Variants in THSD7A observed in about 807,000 individuals in gnomAD.
THSD7A encodes thrombospondin type 1 domain containing 7A, also known as thrombospondin type-1 domain-containing protein 7A.
Under a neutral mutation model 231.3 loss-of-function variants are expected in THSD7A, and 96 were observed. The ratio of observed to expected loss-of-function variants is 0.41; its 90% confidence interval spans 0.35 to 0.49. The LOEUF is 0.49. Ranked by LOEUF, THSD7A falls within the 20% of genes least tolerant of loss-of-function variation. The pLI is 0.05. For missense variants in THSD7A, 2,290 were observed against 2,070.2 expected, an observed-to-expected ratio of 1.11 and a Z score of -2.06; for synonymous variants, 940 against 743.3, an observed-to-expected ratio of 1.26 and a Z score of -4.30.
At position 11,373,451 on chromosome 7, in the gene THSD7A, CAA is replaced by C. The variant is rs994211872; in HGVS notation, c.*2341_*2342del. ...ATTGACAATCACAGTTTTAAAGTAA[CAA>C]TATTATTTTTTCTTCCTCTTTAATA... is the stretch of plus-strand genomic sequence containing the variant. On this transcript the variant is annotated 3_prime_UTR_variant, in exon 28 of 28. Coordinates refer to ENST00000423059, the MANE Select transcript of THSD7A (RefSeq NM_015204.3). 1 of 151,894 alleles carries C rather than the reference CAA, an allele frequency of 6.6e-6. No homozygotes were observed. The highest frequency in any genetic ancestry group is 1.5e-5 in the Non-Finnish European group (1 of 67,926). 9.4% of individuals were successfully genotyped at this position (151,894 alleles called of 1,614,324 possible). A position where few individuals can be genotyped will look rare whatever the true frequency, so the allele number is the denominator to read the frequency against.
At chr7:11,810,620 G>C (rs1784505292) in intron 1 of THSD7A, among the ~76,000 whole-genome samples, 4 of 152,144 alleles carry the variant, frequency 2.6e-5, no homozygotes, top group Admixed American at 2.6e-4. Flanking sequence ...AACTTTGCTA[G>C]AAAGAAGAAA....
intron 23 of THSD7A, among the ~76,000 whole-genome samples, chr7:11,391,773 G>T (rs927649051): frequency 6.6e-6 from 1 of 152,104 alleles, no homozygotes; most frequent in Non-Finnish European, 1.5e-5. Flanking sequence ...CTTGGTCTGC[G>T]GGTTGCAAAG....
chr7:11,390,752 T>G (rs535970919), intron 23 of THSD7A, among the ~76,000 whole-genome samples: 1 of 152,238 alleles, frequency 6.6e-6, no homozygotes, highest in Non-Finnish European at 1.5e-5. Context: ...GTGTTTGATT[T>G]TGGTGACCTT....
intron 22 of THSD7A, among the ~76,000 whole-genome samples, chr7:11,402,457 G>A (rs1292463812): frequency 2.0e-5 from 3 of 152,174 alleles, no homozygotes; most frequent in Non-Finnish European, 4.4e-5. Flanking sequence ...CCAGATGAGT[G>A]GAGGTGAGAG....
chr7:11,511,036 A>G (rs984206559), intron 6 of THSD7A, among the ~76,000 whole-genome samples: 41 of 152,276 alleles, frequency 2.7e-4, no homozygotes, highest in African/African-American at 9.4e-4. Flanking sequence ...AGAAAACCCC[A>G]TCGTCTCAGC....
At chr7:11,826,603 G>A (rs1785034788) in intron 1 of THSD7A, among the ~76,000 whole-genome samples, 1 of 152,112 alleles carries the variant, frequency 6.6e-6, no homozygotes, top group Non-Finnish European at 1.5e-5. Context: ...CCTGAGGTCA[G>A]GAGTTTGAGA....
chr7:11,454,479 A>G (rs980819866), intron 11 of THSD7A, among the ~76,000 whole-genome samples: 7 of 151,842 alleles, frequency 4.6e-5, no homozygotes, highest in African/African-American at 1.7e-4. Flanking sequence ...TCCTAAACAT[A>G]AAGATTTTAC....
In THSD7A at chr7:11,817,898, C is replaced by T. The variant is rs1049134087; in HGVS notation, c.190+13859G>A. Among the ~76,000 whole-genome samples, 4 of 148,292 alleles carry T rather than the reference C, an allele frequency of 2.7e-5. No homozygotes were observed. In the East Asian group the frequency reaches 8.1e-4, roughly 30 times the overall value. ...TTTACTGACTACACACACACACAGG[C>T]AAATGCACACAAACATATATTTATT... On this transcript the variant is annotated intron_variant, in intron 1 of 27. Transcript: ENST00000423059.
intron 2 of THSD7A, among the ~76,000 whole-genome samples, chr7:11,602,662 G>A (rs1780591467): frequency 6.6e-6 from 1 of 151,886 alleles, no homozygotes; most frequent in Non-Finnish European, 1.5e-5. Context: ...GTGAAAATAA[G>A]AATGGAAATT....
intron 1 of THSD7A, among the ~76,000 whole-genome samples, chr7:11,778,165 A>AAAAC (rs1189321850): frequency 7.1e-6 from 1 of 141,428 alleles, no homozygotes; most frequent in Non-Finnish European, 1.5e-5. Flanking sequence ...TCAAAAAAAA[A>AAAAC]AAAAAAAAAA....
At chr7:11,744,981 T>G (rs1339092421) in intron 1 of THSD7A, among the ~76,000 whole-genome samples, 1 of 151,986 alleles carries the variant, frequency 6.6e-6, no homozygotes, top group Non-Finnish European at 1.5e-5. Flanking sequence ...CTGGGTCAAA[T>G]GGTATTTCTA....
chr7:11,737,824 A>G (rs1459164203), intron 1 of THSD7A, among the ~76,000 whole-genome samples: 7 of 152,082 alleles, frequency 4.6e-5, no homozygotes, highest in African/African-American at 1.7e-4. Flanking sequence ...TATAGAGTAG[A>G]AAATGATAAT....
chr7:11,607,857 G>T (rs561398461), intron 2 of THSD7A, among the ~76,000 whole-genome samples: 2 of 152,176 alleles, frequency 1.3e-5, no homozygotes, highest in African/African-American at 4.8e-5. Context: ...TTGCCAAACG[G>T]TGTCACCTGC....
At chr7:11,797,867 A>AAAT (rs1303000105) in intron 1 of THSD7A, among the ~76,000 whole-genome samples, 1 of 152,222 alleles carries the variant, frequency 6.6e-6, no homozygotes, top group Non-Finnish European at 1.5e-5. Flanking sequence ...AGTCTTATTT[A>AAAT]ATGTTTGACT....
intron 8 of THSD7A, among the ~76,000 whole-genome samples, chr7:11,472,178 C>G (rs1785964202): frequency 6.6e-6 from 1 of 152,122 alleles, no homozygotes; most frequent in Non-Finnish European, 1.5e-5. Context: ...GCAATTGGTT[C>G]AGTCAGCAGG....
At chr7:11,693,328 A>T (rs897885434) in intron 1 of THSD7A, among the ~76,000 whole-genome samples, 1 of 151,560 alleles carries the variant, frequency 6.6e-6, no homozygotes, top group Non-Finnish European at 1.5e-5. Flanking sequence ...CTCTAAAACC[A>T]AGTATATCAT....
chr7:11,686,271 T>C (rs7802817), intron 1 of THSD7A, among the ~76,000 whole-genome samples: 30 of 151,554 alleles, frequency 2.0e-4, no homozygotes, highest in African/African-American at 7.3e-4. Context: ...ATCAATAGAA[T>C]CCCAAACCTC....
At chr7:11,712,820 C>T (rs1562495890) in intron 1 of THSD7A, among the ~76,000 whole-genome samples, 1 of 150,958 alleles carries the variant, frequency 6.6e-6, no homozygotes. Flanking sequence ...ATGTAGAAAT[C>T]ATCAATTTTC....
At chr7:11,700,021 T>C (rs745394664) in intron 1 of THSD7A, among the ~76,000 whole-genome samples, 2 of 151,366 alleles carry the variant, frequency 1.3e-5, no homozygotes, top group Non-Finnish European at 3.0e-5. Context: ...TAAAGTTATT[T>C]GGTAATAGTA....
Sources: gnomAD v4.1 joint callset for allele counts (sites outside exome capture counted in the v4.1 genomes callset) on GRCh38, gnomAD v4.1.1 for gene constraint, MANE v1.5 for transcripts, NCBI Gene and HGNC (gene_info 2026-07-23, HGNC 2026-07-21) for gene names.